The following USP14 variants were observed in gnomAD, a reference collection of about 807,000 sequenced individuals.
The protein encoded by USP14 is ubiquitin specific peptidase 14, also known as ubiquitin carboxyl-terminal hydrolase 14.
Under a neutral mutation model 76.5 loss-of-function variants are expected in USP14, and 38 were observed. That is an observed-to-expected ratio of 0.50 (90% confidence interval 0.38 to 0.65). USP14 has a LOEUF of 0.65. Ranked by LOEUF, USP14 falls within the 30% of genes least tolerant of loss-of-function variation. The pLI is 0.00. For synonymous variants in USP14, 192 were observed against 191.7 expected, an observed-to-expected ratio of 1.00 and a Z score of -0.01; for missense variants, 467 against 586.5, an observed-to-expected ratio of 0.80 and a Z score of 2.10.
chr18:206,856 ACGC>A (rs1313189321), intron 13 of USP14, among the ~76,000 whole-genome samples: 6 of 152,198 alleles, frequency 3.9e-5, no homozygotes, highest in Admixed American at 2.6e-4. Flanking sequence ...AGCTGAGATC[ACGC>A]CACTGCCCTC....
At chr18:187,057 T>G (rs1198714761) in intron 5 of USP14, among the ~76,000 whole-genome samples, 1 of 152,178 alleles carries the variant, frequency 6.6e-6, no homozygotes, top group African/African-American at 2.4e-5. Flanking sequence ...TCTGTACATA[T>G]TCATCAATGT....
At chr18:171,026 ATATAT>A (rs1352887187) in intron 3 of USP14, among the ~76,000 whole-genome samples, 50 of 30,742 alleles carry the variant, frequency 1.6e-3, no homozygotes, top group Non-Finnish European at 1.3e-3. Flanking sequence ...AAAAAAAAAA[ATATAT>A]ATATATATAT....
In USP14 at chr18:212,664, G is replaced by C. The variant is rs1476635834; in HGVS notation, c.*1380G>C. 6.6e-6 allele frequency: 1 copy of C among 151,960 alleles called. No homozygotes were observed. Among genetic ancestry groups the C allele is most frequent in the Non-Finnish European group, 1.5e-5 (1 of 67,994 alleles). The allele number at this position is 151,960 out of a possible 1,614,324, so 9.4% of individuals were successfully genotyped here. A position where few individuals can be genotyped will look rare whatever the true frequency, so the allele number is the denominator to read the frequency against. Reference sequence around the variant, plus strand: ...GTTTCAGAATTTTAGTGATTTTAAAGTGATAGTAGAAAATACCAAGCATAT... The same window carrying C: ...GTTTCAGAATTTTAGTGATTTTAAACTGATAGTAGAAAATACCAAGCATAT... On this transcript the variant is annotated 3_prime_UTR_variant, in exon 16 of 16. Transcript: ENST00000261601.
chr18:206,782 T>C (rs547544159), intron 13 of USP14, among the ~76,000 whole-genome samples: 30 of 152,262 alleles, frequency 2.0e-4, no homozygotes, highest in African/African-American at 7.2e-4. Context: ...GGACCTATAA[T>C]CCCAGCTACT....
At chr18:181,495 A>G (rs1023288929) in intron 5 of USP14, among the ~76,000 whole-genome samples, 2 of 152,140 alleles carry the variant, frequency 1.3e-5, no homozygotes, top group African/African-American at 4.8e-5. Context: ...TGTCTGTTTA[A>G]ATCTTTTGCC....
At chr18:173,309 C>T (rs1276654920) in intron 3 of USP14, among the ~76,000 whole-genome samples, 1 of 151,556 alleles carries the variant, frequency 6.6e-6, no homozygotes, top group Non-Finnish European at 1.5e-5. Flanking sequence ...GACGGGGTTT[C>T]ACCATGTTAG....
chr18:172,060 G>GT (rs1343325009), intron 3 of USP14, among the ~76,000 whole-genome samples: 6 of 152,178 alleles, frequency 3.9e-5, no homozygotes, highest in Non-Finnish European at 7.3e-5. Context: ...GGGCAACACA[G>GT]TGAGACCCTG....
chr18:188,057 A>G (rs1440861933), intron 5 of USP14, among the ~76,000 whole-genome samples: 1 of 152,204 alleles, frequency 6.6e-6, no homozygotes, highest in African/African-American at 2.4e-5. Flanking sequence ...ACAATGTTAA[A>G]TAGTAGATGG....
rs371434515 is a variant in USP14 at position 159,792 on chromosome 18, G to T, written c.16+1078G>T. Among the ~76,000 whole-genome samples the T allele has an allele frequency of 1.3e-3, 194 of 152,210 alleles. 4 individuals are homozygous for T. In the South Asian group the frequency reaches 0.039, roughly 31 times the overall value. ...ACCCCTCTGTTTCCTCAAAATGCCA[G>T]CGCTGACCAGAGTTTCTTTTTTAAA... On this transcript the variant is annotated intron_variant, in intron 1 of 15. Transcript: ENST00000261601.
chr18:170,034 G>A (rs1343824863), intron 3 of USP14, among the ~76,000 whole-genome samples: 1 of 152,086 alleles, frequency 6.6e-6, no homozygotes, highest in Non-Finnish European at 1.5e-5. Context: ...GAGCGCGGTG[G>A]CTCACACCTG....
At chr18:188,854 T>G (rs1219728086) in intron 5 of USP14, among the ~76,000 whole-genome samples, 1 of 152,102 alleles carries the variant, frequency 6.6e-6, no homozygotes, top group Non-Finnish European at 1.5e-5. Flanking sequence ...ATTTTTTGTA[T>G]TTTTAGTAGA....
chr18:165,304 A>G (rs1194873122), intron 2 of USP14, among the ~76,000 whole-genome samples: 2 of 152,182 alleles, frequency 1.3e-5, no homozygotes, highest in Non-Finnish European at 2.9e-5. Flanking sequence ...CAAGGGTTAG[A>G]TAAAATGCTA....
intron 1 of USP14, among the ~76,000 whole-genome samples, chr18:161,372 G>A (rs1909113526): frequency 6.6e-6 from 1 of 152,158 alleles, no homozygotes. Flanking sequence ...GCTGTGGAAT[G>A]TTTTCCTTCT....
chr18:163,126 C>A (rs1489477310), intron 1 of USP14, 182 bp from the exon 2 acceptor site: 3 of 489,932 alleles, frequency 6.1e-6, no homozygotes, highest in Non-Finnish European at 1.1e-5. Context: ...AGGTTTGATC[C>A]AGTGAAATTT....
intron 5 of USP14, among the ~76,000 whole-genome samples, chr18:187,260 G>T (rs765153579): frequency 6.6e-6 from 1 of 151,966 alleles, no homozygotes; most frequent in Non-Finnish European, 1.5e-5. Flanking sequence ...TTTGAGACCT[G>T]TTCCTAGATT....
chr18:186,378 C>G (rs1333884898), intron 5 of USP14, among the ~76,000 whole-genome samples: 1 of 152,142 alleles, frequency 6.6e-6, no homozygotes, highest in Non-Finnish European at 1.5e-5. Context: ...AATGCTTGAG[C>G]TCAGGAGTTT....
chr18:177,500 T>A (rs2144230730), intron 3 of USP14, among the ~76,000 whole-genome samples: 1 of 152,020 alleles, frequency 6.6e-6, no homozygotes, highest in East Asian at 1.9e-4. Context: ...TTATAAAATG[T>A]CTATGTAGAA....
intron 1 of USP14, among the ~76,000 whole-genome samples, chr18:162,165 C>T (rs538620303): frequency 5.3e-5 from 8 of 152,270 alleles, no homozygotes; most frequent in Middle Eastern, 3.4e-3. Flanking sequence ...GAGTTGCTCC[C>T]ACTTTTTCGG....
chr18:166,770 G>C lies in USP14; in HGVS notation c.163-17G>C, dbSNP rs201406393. On this transcript the variant is annotated splice_polypyrimidine_tract_variant and intron_variant, in intron 2 of 15. Coordinates refer to ENST00000261601, the MANE Select transcript of USP14 (RefSeq NM_005151.4). ...GTACAGTGGTGGTTAAATGTCTTTT[G>C]TTTGTCTTTGAAACAGGATGATGAT... 8.1e-6 allele frequency: 13 copies of C among 1,610,386 alleles called. No homozygotes were observed. The highest frequency in any genetic ancestry group is 3.3e-5 in the Admixed American group (2 of 59,808).
Sources: allele counts gnomAD v4.1 joint callset (sites outside exome capture counted in the v4.1 genomes callset), GRCh38; gene constraint gnomAD v4.1.1; transcripts MANE v1.5; gene names NCBI Gene and HGNC (gene_info 2026-07-23, HGNC 2026-07-21).